ISX: variants seen among roughly 807,000 people sequenced by gnomAD.
The protein encoded by ISX is intestine-specific homeobox.
ISX carries 15 observed loss-of-function variants against 16.9 expected under a neutral mutation model. The observed-to-expected ratio is 0.89, with a 90% CI of 0.59 to 1.36. The LOEUF is 1.36. ISX is among the 40% of genes most tolerant of loss of function. The pLI, the probability that ISX is intolerant of heterozygous loss-of-function variation, is 0.00. For synonymous variants in ISX, 125 were observed against 119.7 expected (o/e 1.04, Z -0.29); for missense variants, 316 against 306.1 (o/e 1.03, Z -0.24).
At position 35,087,229 on chromosome 22, in the gene ISX, G is replaced by A. The variant is rs1184974336; in HGVS notation, c.*1536G>A. On this transcript the variant is annotated 3_prime_UTR_variant, in exon 5 of 5. Coordinates refer to ENST00000404699, the MANE Select transcript of ISX (RefSeq NM_001303508.2). Reference sequence around the variant, plus strand: ...CCTATGAATGTGGATATCAACACCAGGTCTCTAGCACCGCTGGATGAAAGG... The same window carrying A: ...CCTATGAATGTGGATATCAACACCAAGTCTCTAGCACCGCTGGATGAAAGG... 6.6e-6 allele frequency: 1 copy of A among 152,192 alleles called. No homozygotes were observed. Among genetic ancestry groups the A allele is most frequent in the African/African-American group, 2.4e-5 (1 of 41,440 alleles). 9.4% of individuals were successfully genotyped at this position (152,192 alleles called of 1,614,324 possible).
intron 2 of ISX, among the ~76,000 whole-genome samples, chr22:35,074,026 G>A (rs79008966): frequency 0.041 from 6,249 of 152,302 alleles, 192 homozygotes; most frequent in Middle Eastern, 0.099. Flanking sequence ...TAAGCCAGGT[G>A]AAGGGCAGAA....
chr22:35,083,519 C>T (rs1929172090), intron 3 of ISX, among the ~76,000 whole-genome samples: 1 of 152,256 alleles, frequency 6.6e-6, no homozygotes, highest in African/African-American at 2.4e-5. Flanking sequence ...TCTTCACATG[C>T]ACCCAGCTTT....
intron 2 of ISX, among the ~76,000 whole-genome samples, chr22:35,074,264 G>A (rs1451758524): frequency 6.6e-6 from 1 of 152,208 alleles, no homozygotes; most frequent in Non-Finnish European, 1.5e-5. Context: ...GGCCGAGCTT[G>A]AGTGAGATGT....
Position 35,084,449 on chromosome 22 carries a change from C to CA in ISX, c.449dup (p.Gln151AlafsTer4). 2 of 1,613,658 alleles carry CA rather than the reference C, an allele frequency of 1.2e-6. No homozygotes were observed. The highest frequency in any genetic ancestry group is 1.7e-6 in the Non-Finnish European group (2 of 1,179,778). On this transcript the variant is annotated frameshift_variant, in exon 4 of 5. Coordinates refer to ENST00000404699, the MANE Select transcript of ISX (RefSeq NM_001303508.2). LOFTEE classifies it low-confidence loss of function (END_TRUNC). ...GAAGATTGGCAACCTGGGGGCTCCA[C>CA]AGCAGCTGAGTGAAGCCAGTGTGGC...
At chr22:35,069,974 C>T (rs1380960262) in intron 2 of ISX, among the ~76,000 whole-genome samples, 1 of 152,204 alleles carries the variant, frequency 6.6e-6, no homozygotes, top group Non-Finnish European at 1.5e-5. Context: ...GCCCAGGAAT[C>T]TGCATTCTAA....
chr22:35,070,752 C>T (rs536104593), intron 2 of ISX, among the ~76,000 whole-genome samples: 1 of 152,338 alleles, frequency 6.6e-6, no homozygotes, highest in East Asian at 1.9e-4. Flanking sequence ...GCAGTGCTGC[C>T]TTCTGCCCAT....
At chr22:35,073,576 G>A (rs1928910599) in intron 2 of ISX, among the ~76,000 whole-genome samples, 2 of 152,174 alleles carry the variant, frequency 1.3e-5, no homozygotes, top group South Asian at 4.1e-4. Context: ...CAAGTGCTGG[G>A]GAGATGGTGA....
At chr22:35,078,804 T>G (rs539699833) in intron 2 of ISX, among the ~76,000 whole-genome samples, 4 of 152,222 alleles carry the variant, frequency 2.6e-5, no homozygotes, top group Admixed American at 6.5e-5. Flanking sequence ...ACTAGCCCTG[T>G]CCCTTTCACC....
chr22:35,073,666 C>T (rs931834512), intron 2 of ISX, among the ~76,000 whole-genome samples: 24 of 152,098 alleles, frequency 1.6e-4, no homozygotes, highest in African/African-American at 5.6e-4. Flanking sequence ...AAGCTGTGGT[C>T]GGTCTGTAAT....
At chr22:35,083,246 T>G (rs1225881839) in intron 3 of ISX, among the ~76,000 whole-genome samples, 1 of 152,354 alleles carries the variant, frequency 6.6e-6, no homozygotes, top group East Asian at 1.9e-4. Context: ...TCTTAGTTCA[T>G]GAACCATTCA....
chr22:35,076,382 A>G (rs914019526), intron 2 of ISX, among the ~76,000 whole-genome samples: 1 of 152,252 alleles, frequency 6.6e-6, no homozygotes, highest in African/African-American at 2.4e-5. Context: ...AAAGGCCTTG[A>G]ACGCCATGCT....
intron 2 of ISX, among the ~76,000 whole-genome samples, chr22:35,078,720 A>G (rs1929051687): frequency 6.6e-6 from 1 of 152,244 alleles, no homozygotes; most frequent in Non-Finnish European, 1.5e-5. Flanking sequence ...AGGGAGTGAA[A>G]GCAAAAGCAA....
At chr22:35,076,328 T>C (rs1182032237) in intron 2 of ISX, among the ~76,000 whole-genome samples, 1 of 151,936 alleles carries the variant, frequency 6.6e-6, no homozygotes, top group Non-Finnish European at 1.5e-5. Flanking sequence ...ATTATGGAAA[T>C]GACAACTGAG....
chr22:35,073,294 T>C (rs139699819), intron 2 of ISX, among the ~76,000 whole-genome samples: 4 of 152,292 alleles, frequency 2.6e-5, no homozygotes, highest in African/African-American at 9.6e-5. Flanking sequence ...GGAGATGGTG[T>C]AGAGCAGTGG....
chr22:35,074,240 GA>G (rs1928925046), intron 2 of ISX, among the ~76,000 whole-genome samples: 1 of 152,206 alleles, frequency 6.6e-6, no homozygotes, highest in Non-Finnish European at 1.5e-5. Context: ...AGCCCCAGAG[GA>G]GGGACACCCA....
intron 4 of ISX, among the ~76,000 whole-genome samples, chr22:35,084,922 T>C (rs1044733439): frequency 2.0e-5 from 3 of 152,032 alleles, no homozygotes; most frequent in Admixed American, 1.3e-4. Context: ...TTGATGAGGA[T>C]GAAATAACTG....
At chr22:35,079,464 C>A (rs117112372) in intron 2 of ISX, among the ~76,000 whole-genome samples, 2,403 of 152,226 alleles carry the variant, frequency 0.016, 43 homozygotes, top group Non-Finnish European at 0.019. Context: ...TCTCGGGGAG[C>A]CAGTTCCTCA....
At chr22:35,068,311 A>T (rs1163698250) in intron 2 of ISX, among the ~76,000 whole-genome samples, 2 of 152,110 alleles carry the variant, frequency 1.3e-5, no homozygotes, top group Non-Finnish European at 2.9e-5. Context: ...CCTGCCATAA[A>T]TAGAGCTCCA....
Position 35,085,592 on chromosome 22 carries a change from C to G in ISX, c.637C>G (p.Pro213Ala). Reference sequence around the variant, plus strand: ...CCCAGCGCACCCATGGGAAACACAGCCTGTCCCAGGTCTTCCCATCCATCA... The same window carrying G: ...CCCAGCGCACCCATGGGAAACACAGGCTGTCCCAGGTCTTCCCATCCATCA... Reference protein sequence around the residue: ...LLPAHPWETQPVPGLPIHQTC... With the variant: ...LLPAHPWETQAVPGLPIHQTC... Residue 213 changes from proline to alanine, a missense_variant, in exon 5 of 5, where the codon CCT becomes GCT. Transcript: ENST00000404699. 6.2e-7 allele frequency: 1 copy of G among 1,614,250 alleles called. No individual in the cohort carries two copies. The highest frequency in any genetic ancestry group is 8.5e-7 in the Non-Finnish European group (1 of 1,180,050).
Sources: gnomAD v4.1 joint callset for allele counts (sites outside exome capture counted in the v4.1 genomes callset) on GRCh38, gnomAD v4.1.1 for gene constraint, MANE v1.5 for transcripts, NCBI Gene and HGNC (gene_info 2026-07-23, HGNC 2026-07-21) for gene names.